Variants in ABHD3 observed in about 807,000 individuals in gnomAD.
The protein encoded by ABHD3 is abhydrolase domain containing 3, phospholipase, also known as phospholipase ABHD3.
Under a neutral mutation model 48.8 loss-of-function variants are expected in ABHD3, and 46 were observed. That is an observed-to-expected ratio of 0.94 (90% CI 0.74 to 1.20). The LOEUF (loss-of-function observed/expected upper bound fraction) is 1.20, where lower values mean the gene tolerates loss of function less well. Ranked by LOEUF, ABHD3 falls within the 50% of genes most tolerant of loss-of-function variation. The probability of loss-of-function intolerance (pLI) is 0.00; values close to 1 mark genes in which losing one functional copy is unlikely to be tolerated. For synonymous variants in ABHD3, 192 were observed against 183.7 expected (o/e 1.04, Z -0.36); for missense variants, 490 against 497.8 (o/e 0.98, Z 0.15).
chr18:21,700,815 C>G (rs2040490121), intron 3 of ABHD3, among the ~76,000 whole-genome samples: 1 of 114,598 alleles, frequency 8.7e-6, no homozygotes, highest in African/African-American at 3.9e-5. Flanking sequence ...CTGAGCATGA[C>G]TAAGTTTTAG....
intron 4 of ABHD3, among the ~76,000 whole-genome samples, chr18:21,681,042 C>T (rs886124249): frequency 2.6e-5 from 4 of 151,866 alleles, no homozygotes; most frequent in African/African-American, 9.7e-5. Flanking sequence ...GTTTCTTAAG[C>T]TTCTAACCAC....
At chr18:21,671,243 T>TAC (rs2063883543) in intron 4 of ABHD3, among the ~76,000 whole-genome samples, 1 of 152,132 alleles carries the variant, frequency 6.6e-6, no homozygotes, top group South Asian at 2.1e-4. Context: ...AGTTCTGATA[T>TAC]ACACAACTAT....
intron 3 of ABHD3, among the ~76,000 whole-genome samples, chr18:21,688,752 T>C (rs978020545): frequency 2.0e-5 from 3 of 152,144 alleles, no homozygotes; most frequent in African/African-American, 7.2e-5. Context: ...ACAGATCTTA[T>C]GTTAGGACTT....
chr18:21,683,060 C>T (rs911973969), intron 4 of ABHD3: 1 of 152,712 alleles, frequency 6.5e-6, no homozygotes, highest in Non-Finnish European at 1.5e-5. Flanking sequence ...AAAGTGTTGA[C>T]ATTTGTGACC....
intron 5 of ABHD3, chr18:21,663,888 A>G (rs2039559936): frequency 6.9e-6 from 10 of 1,444,644 alleles, no homozygotes; most frequent in Non-Finnish European, 9.0e-6. Context: ...CTTCAGGCTC[A>G]CAAAATCCGC....
chr18:21,692,496 C>G (rs541680436), intron 3 of ABHD3, among the ~76,000 whole-genome samples: 45 of 151,934 alleles, frequency 3.0e-4, no homozygotes, highest in African/African-American at 1.1e-3. Context: ...TCTTGCTGAT[C>G]ATAAGTTCTA....
At chr18:21,657,218 TAAAAAC>T (rs971007397) in intron 6 of ABHD3, 66 bp from the exon 7 acceptor site, 30 of 1,444,732 alleles carry the variant, frequency 2.1e-5, no homozygotes, top group Non-Finnish European at 2.7e-5. Context: ...TAAAAGGACT[TAAAAAC>T]AAATTACTAA....
At position 21,685,324 on chromosome 18, in the gene ABHD3, C is replaced by T. The variant is rs538988633; in HGVS notation, c.510-1359G>A. 3.3e-5 allele frequency among the ~76,000 whole-genome samples: 5 copies of T among 152,304 alleles called. No homozygotes were observed. In the East Asian group the frequency reaches 9.6e-4, roughly 29 times the overall value. ...GAACATACACAACTCTGAGTCTCTT[C>T]TCAGGGAGTTTAGATCTCAAGGCAC... is the stretch of plus-strand genomic sequence containing the variant. On this transcript the variant is annotated intron_variant, in intron 3 of 8. Transcript: ENST00000289119.
intron 8 of ABHD3, 37 bp from the exon 9 acceptor site, chr18:21,651,800 A>G (rs758930617): frequency 2.0e-5 from 30 of 1,483,092 alleles, no homozygotes; most frequent in Middle Eastern, 1.9e-4. Context: ...AAGAGAGAAG[A>G]AGGAGAGAGA....
chr18:21,702,019 T>G, intron 3 of ABHD3: 10 of 215,710 alleles, frequency 4.6e-5, no homozygotes, highest in Non-Finnish European at 5.6e-5. Context: ...ACACTCTCCA[T>G]TGGGGTGGGG....
Position 21,704,679 on chromosome 18 carries a change from G to A in ABHD3, c.-14C>T. 1 of 1,461,508 alleles carries A rather than the reference G, an allele frequency of 6.8e-7. No individual in the cohort carries two copies. Among genetic ancestry groups the A allele is most frequent in the African/African-American group, 1.5e-5 (1 of 65,020 alleles). The allele number at this position is 1,461,508 out of a possible 1,614,324, so 90.5% of individuals were successfully genotyped here. ...CAGGCGCTGCATGGCCCCCGAGCGC[G>A]GCGCGCGGGTCCTGCGGCGGGAGGA... is the stretch of plus-strand genomic sequence containing the variant. On this transcript the variant is annotated 5_prime_UTR_variant, in exon 1 of 9. Transcript: ENST00000289119.
chr18:21,664,779 G>C (rs1393658447), intron 4 of ABHD3, among the ~76,000 whole-genome samples: 2 of 151,866 alleles, frequency 1.3e-5, no homozygotes, highest in Non-Finnish European at 2.9e-5. Context: ...CACAGGTATA[G>C]GCCACCACAA....
intron 5 of ABHD3, among the ~76,000 whole-genome samples, chr18:21,663,198 A>G (rs553439221): frequency 1.2e-3 from 178 of 152,288 alleles, no homozygotes; most frequent in Non-Finnish European, 2.2e-3. Flanking sequence ...CTTTTTAAAA[A>G]AATTAAAATT....
intron 5 of ABHD3, 115 bp downstream of exon 5, chr18:21,664,003 A>G: frequency 6.9e-7 from 1 of 1,439,244 alleles, no homozygotes; most frequent in Non-Finnish European, 9.1e-7. Context: ...TATGATAAAC[A>G]TAATCAGACA....
chr18:21,702,031 T>G, intron 3 of ABHD3: 4 of 228,926 alleles, frequency 1.7e-5, no homozygotes, highest in South Asian at 7.5e-5. Flanking sequence ...GGGGTGGGGA[T>G]GGGGGGAAGG....
At chr18:21,680,506 C>G (rs934628626) in intron 4 of ABHD3, among the ~76,000 whole-genome samples, 2 of 152,124 alleles carry the variant, frequency 1.3e-5, no homozygotes, top group African/African-American at 2.4e-5. Context: ...GCTACATAAA[C>G]CCAAGCTGCC....
intron 2 of ABHD3, among the ~76,000 whole-genome samples, chr18:21,703,138 C>T (rs2040548873): frequency 6.6e-6 from 1 of 151,792 alleles, no homozygotes; most frequent in Non-Finnish European, 1.5e-5. Context: ...TCATCAAGAT[C>T]CCATTTGCCT....
intron 3 of ABHD3, chr18:21,702,034 G>C (rs954583674): frequency 6.7e-5 from 16 of 238,202 alleles, no homozygotes; most frequent in Admixed American, 3.2e-4. Flanking sequence ...GTGGGGATGG[G>C]GGGAAGGGCT....
chr18:21,703,349 A>G (rs2040557974), intron 2 of ABHD3, among the ~76,000 whole-genome samples: 1 of 151,414 alleles, frequency 6.6e-6, no homozygotes, highest in Non-Finnish European at 1.5e-5. Context: ...CTAAAAATAA[A>G]CCATTTACAT....
Sources: allele counts gnomAD v4.1 joint callset (sites outside exome capture counted in the v4.1 genomes callset), GRCh38; gene constraint gnomAD v4.1.1; transcripts MANE v1.5; gene names NCBI Gene and HGNC (gene_info 2026-07-23, HGNC 2026-07-21).